The following IQCB1 variants were observed in gnomAD, a reference collection of about 807,000 sequenced individuals.
IQCB1 encodes IQ calmodulin-binding motif-containing protein 1.
A neutral mutation model predicts 84.4 loss-of-function variants in IQCB1; 56 were observed. That is an observed-to-expected ratio of 0.66 (90% confidence interval 0.54 to 0.83). IQCB1 has a LOEUF of 0.83. IQCB1 is among the 40% of genes least tolerant of loss of function. The pLI is 0.00. For synonymous variants in IQCB1, 210 were observed against 234.8 expected, an observed-to-expected ratio of 0.89 and a Z score of 0.96; for missense variants, 629 against 682.1, an observed-to-expected ratio of 0.92 and a Z score of 0.87.
chr3:121,817,035 C>CA (rs2108615854), intron 5 of IQCB1, among the ~76,000 whole-genome samples: 1 of 152,086 alleles, frequency 6.6e-6, no homozygotes, highest in Admixed American at 6.5e-5. Flanking sequence ...ATAGATTGGA[C>CA]AAAGAAATGT....
At chr3:121,806,951 G>C (rs1469153776) in intron 7 of IQCB1, among the ~76,000 whole-genome samples, 1 of 151,860 alleles carries the variant, frequency 6.6e-6, no homozygotes, top group Non-Finnish European at 1.5e-5. Context: ...AAAATACCAA[G>C]CTTGAAGTTT....
chr3:121,822,127 T>C (rs1950295476), intron 5 of IQCB1, among the ~76,000 whole-genome samples: 1 of 152,250 alleles, frequency 6.6e-6, no homozygotes. Flanking sequence ...AGCACTATGC[T>C]ATCAGTTCTC....
At chr3:121,830,591 T>G (rs1033076913) in intron 2 of IQCB1, among the ~76,000 whole-genome samples, 1 of 152,218 alleles carries the variant, frequency 6.6e-6, no homozygotes, top group African/African-American at 2.4e-5. Context: ...GTGTGATCAT[T>G]TCCATACATA....
At chr3:121,810,579 CAT>C (rs1221102509) in intron 5 of IQCB1, among the ~76,000 whole-genome samples, 2 of 151,218 alleles carry the variant, frequency 1.3e-5, no homozygotes, top group Non-Finnish European at 3.0e-5. Context: ...AAATACATAA[CAT>C]ATTAATACAT....
chr3:121,779,858 T>C (rs1405058739), intron 13 of IQCB1, among the ~76,000 whole-genome samples: 1 of 152,226 alleles, frequency 6.6e-6, no homozygotes, highest in Non-Finnish European at 1.5e-5. Context: ...TAATCTACTA[T>C]TAAGGGAAGG....
intron 12 of IQCB1, among the ~76,000 whole-genome samples, chr3:121,787,480 C>T (rs554762902): frequency 1.3e-5 from 2 of 152,096 alleles, no homozygotes; most frequent in Non-Finnish European, 1.5e-5. Context: ...AGGCCGGGAG[C>T]GGTGGCTCAC....
chr3:121,823,193 A>G (rs1026008992), intron 5 of IQCB1, among the ~76,000 whole-genome samples: 11 of 53,422 alleles, frequency 2.1e-4, no homozygotes, highest in African/African-American at 4.9e-4. Context: ...TCGAAACTGA[A>G]GTAAACAACA....
At chr3:121,820,185 T>C (rs904050979) in intron 5 of IQCB1, among the ~76,000 whole-genome samples, 1 of 152,178 alleles carries the variant, frequency 6.6e-6, no homozygotes, top group Non-Finnish European at 1.5e-5. Flanking sequence ...ATGGCTACCA[T>C]ATTATACCAT....
Position 121,811,713 on chromosome 3 carries a change from C to T in IQCB1, c.394-2704G>A, listed in dbSNP as rs540421540. ...AGCAAGGCAGCTGTGGCCAGACTGC[C>T]TCTCTAGATTCCTCCTCACTGGGCA... On this transcript the variant is annotated intron_variant, in intron 5 of 14. Coordinates refer to ENST00000310864, the MANE Select transcript of IQCB1 (RefSeq NM_001023570.4). Among the ~76,000 whole-genome samples the T allele has an allele frequency of 5.3e-5, 8 of 152,272 alleles. No individual in the cohort carries two copies. The South Asian group carries it at 1.7e-3, about 32-fold the overall frequency.
chr3:121,833,704 A>C (rs968591875), intron 2 of IQCB1, among the ~76,000 whole-genome samples: 1 of 152,230 alleles, frequency 6.6e-6, no homozygotes, highest in Admixed American at 6.5e-5. Flanking sequence ...TAGATGACAC[A>C]GATAAGAATA....
chr3:121,788,369 C>T lies in IQCB1; in HGVS notation c.1193G>A (p.Trp398Ter). Reference sequence around the variant, plus strand: ...ATTTTTCCTTTCCCTGTACCCTCTCCAATGTTTCTGGATAATCAGTGCTGA... The same window carrying T: ...ATTTTTCCTTTCCCTGTACCCTCTCTAATGTTTCTGGATAATCAGTGCTGA... The part of the protein sequence containing the change: ...EKSALIIQKH[W>*]RGYRERKNFH... The change falls in exon 12 of 15, where the codon TGG (tryptophan) becomes TAG (stop). Residue 398 changes from tryptophan to a stop codon, truncating the protein, a stop_gained. Coordinates refer to ENST00000310864, the MANE Select transcript of IQCB1 (RefSeq NM_001023570.4). LOFTEE classifies it high-confidence loss of function. 6.2e-7 allele frequency: 1 copy of T among 1,613,614 alleles called. No individual in the cohort carries two copies.
intron 8 of IQCB1, among the ~76,000 whole-genome samples, chr3:121,797,651 GATTATT>G (rs922917586): frequency 3.3e-5 from 5 of 151,988 alleles, no homozygotes; most frequent in African/African-American, 1.2e-4. Context: ...CACTTATGCA[GATTATT>G]ATTAGTCATT....
At chr3:121,781,663 A>ACACACT in intron 13 of IQCB1, 80 bp downstream of exon 13, 6 of 1,046,430 alleles carry the variant, frequency 5.7e-6, no homozygotes, top group South Asian at 1.3e-5. Flanking sequence ...ACACACACAC[A>ACACACT]ATATATGTGT....
intron 10 of IQCB1, among the ~76,000 whole-genome samples, chr3:121,792,038 A>T (rs1948996883): frequency 6.6e-6 from 1 of 152,108 alleles, no homozygotes; most frequent in Admixed American, 6.5e-5. Flanking sequence ...GTGAGCCAAG[A>T]TCGTGCCACT....
chr3:121,833,408 T>C (rs375676199), intron 2 of IQCB1, among the ~76,000 whole-genome samples: 37 of 152,322 alleles, frequency 2.4e-4, no homozygotes, highest in African/African-American at 8.4e-4. Context: ...CTTGTTACAA[T>C]AGAGAAAGCT....
intron 4 of IQCB1, among the ~76,000 whole-genome samples, chr3:121,826,530 T>C (rs1950472279): frequency 6.6e-6 from 1 of 152,190 alleles, no homozygotes; most frequent in African/African-American, 2.4e-5. Flanking sequence ...ATGAAAAGCA[T>C]TTGTGTTAAC....
chr3:121,834,851 T>A, intron 1 of IQCB1, 115 bp downstream of exon 1: 1 of 254,602 alleles, frequency 3.9e-6, no homozygotes, highest in Non-Finnish European at 7.9e-6. Flanking sequence ...AGGCCGATTC[T>A]CCCGTTAAGA....
intron 2 of IQCB1, among the ~76,000 whole-genome samples, chr3:121,831,828 T>G (rs914830169): frequency 6.6e-6 from 1 of 152,236 alleles, no homozygotes; most frequent in South Asian, 2.1e-4. Flanking sequence ...GAAAATACCT[T>G]AAAGAAAGCC....
At chr3:121,790,982 A>C (rs1229764229) in intron 10 of IQCB1, among the ~76,000 whole-genome samples, 2 of 152,086 alleles carry the variant, frequency 1.3e-5, no homozygotes, top group Admixed American at 1.3e-4. Context: ...GCTTTTATTC[A>C]CCAAAATTTC....
Sources: gnomAD v4.1 joint callset for allele counts (sites outside exome capture counted in the v4.1 genomes callset) on GRCh38, gnomAD v4.1.1 for gene constraint, MANE v1.5 for transcripts, NCBI Gene and HGNC (gene_info 2026-07-23, HGNC 2026-07-21) for gene names.